Variants in COL7A1 observed in about 807,000 individuals in gnomAD.
COL7A1 encodes collagen alpha-1(VII) chain.
In COL7A1, 296 loss-of-function variants were observed where a neutral mutation model predicts 456.2. The observed-to-expected ratio is 0.65, with a 90% CI of 0.59 to 0.71. The LOEUF is 0.71. Ranked by LOEUF, COL7A1 falls within the 30% of genes least tolerant of loss-of-function variation. The pLI, the probability that COL7A1 is intolerant of heterozygous loss-of-function variation, is 0.00. For synonymous variants in COL7A1, 1,464 were observed against 1,525.9 expected (o/e 0.96, Z 0.95); for missense variants, 3,441 against 4,017.2 (o/e 0.86, Z 3.88).
chr3:48,581,877 G>A lies in COL7A1; in HGVS notation c.4668+34C>T. On this transcript the variant is annotated intron_variant, in intron 48 of 118. Coordinates refer to ENST00000681320, the MANE Select transcript of COL7A1 (RefSeq NM_000094.4). This position sits in a 1 kb window ranked among gnomAD's most constrained non-coding sequence, Gnocchi z 5.8. ...GCCCTATGACCTAGACCTCAACCCT[G>A]TAGAAACCTCCCCTTGCCCCATACC... 1 of 1,614,026 alleles carries A rather than the reference G, an allele frequency of 6.2e-7. No individual in the cohort carries two copies. Among genetic ancestry groups the A allele is most frequent in the Admixed American group, 1.7e-5 (1 of 60,010 alleles).
Position 48,592,562 on chromosome 3 carries a change from T to C in COL7A1, c.976+8A>G. 1.2e-6 allele frequency: 2 copies of C among 1,613,884 alleles called. No individual in the cohort carries two copies. Among genetic ancestry groups the C allele is most frequent in the Admixed American group, 1.7e-5 (1 of 60,026 alleles). ...TGAATGGGGTCAGAGGCTGGCAGAA[T>C]TGCTCACTGGTCCGAGCTGTCCCGC... On this transcript the variant is annotated splice_region_variant and intron_variant, in intron 8 of 118. Coordinates refer to ENST00000681320, the MANE Select transcript of COL7A1 (RefSeq NM_000094.4). The surrounding 1 kb of genome is among the most constrained non-coding windows in gnomAD (Gnocchi z 7.6).
At position 48,584,050 on chromosome 3, in the gene COL7A1, G is replaced by A. The variant is rs759186064; in HGVS notation, c.4209C>T (p.Gly1403=). Residue 1403 remains glycine (G), a synonymous_variant, in exon 38 of 119, where the codon GGC becomes GGT. Coordinates refer to ENST00000681320, the MANE Select transcript of COL7A1 (RefSeq NM_000094.4). Reference sequence around the variant, plus strand: ...CCTCACTTACCCGCTCCCCACGATCGCCTTTGTCACCCTAGAAAACAGATG... The same window carrying A: ...CCTCACTTACCCGCTCCCCACGATCACCTTTGTCACCCTAGAAAACAGATG... The part of the protein sequence containing the change: ...LPGTAMKGDK[G]DRGERGPPGP... 1.2e-5 allele frequency: 19 copies of A among 1,613,964 alleles called. No homozygotes were observed. The highest frequency in any genetic ancestry group is 4.5e-5 in the East Asian group (2 of 44,878).
rs1412782622 is a variant in COL7A1 at position 48,573,880 on chromosome 3, C to T, written c.6512G>A (p.Gly2171Asp). The change falls in exon 81 of 119, where the codon GGT becomes GAT. Residue 2171 changes from glycine to aspartate, a missense_variant. Coordinates refer to ENST00000681320, the MANE Select transcript of COL7A1 (RefSeq NM_000094.4). This position sits in a 1 kb window ranked among gnomAD's most constrained non-coding sequence, Gnocchi z 5.5. The part of the protein sequence containing the change: ...AGPEGKPGLQ[G>D]PRGPPGPVGG... The stretch of plus-strand genomic sequence containing the variant: ...CACTGGGCCAGGGGGGCCTCTTGGA[C>T]CCTGCAGACCCTACATAGAGAGGGC... 1 of 1,613,700 alleles carries T rather than the reference C, an allele frequency of 6.2e-7. No homozygotes were observed. Among genetic ancestry groups the T allele is most frequent in the Non-Finnish European group, 8.5e-7 (1 of 1,179,994 alleles).
rs1174038053 is a variant in COL7A1 at position 48,583,400 on chromosome 3, C to T, written c.4430G>A (p.Gly1477Asp). The T allele has an allele frequency of 6.2e-7, 1 of 1,614,092 alleles. No homozygotes were observed. Among genetic ancestry groups the T allele is most frequent in the South Asian group, 1.1e-5 (1 of 91,076 alleles). ...QGPRGPPGAI[G>D]PKGDRGFPGP... ...CCCCCAACTGGTACTCACTTTGGGG[C>T]CAATAGCTCCAGGAGGTCCCCGTGG... Residue 1477 changes from glycine to aspartate, a missense_variant, in exon 42 of 119, where the codon GGC becomes GAC. This residue lies in a region of COL7A1 where 2,084 missense variants were observed against 2,501.3 expected (regional missense o/e 0.83). Transcript: ENST00000681320. The surrounding 1 kb of genome is among the most constrained non-coding windows in gnomAD (Gnocchi z 5.1).
Position 48,565,664 on chromosome 3 carries a change from G to A in COL7A1, c.8412C>T (p.Cys2804=). 1 of 1,613,358 alleles carries A rather than the reference G, an allele frequency of 6.2e-7. No homozygotes were observed. ...ATCCAGATGCGATGAACTGGCCCTGGCAGGCTAGAGGGGGCAGAGAGGGAT... is the reference window on the plus strand; with the variant it reads ...ATCCAGATGCGATGAACTGGCCCTGACAGGCTAGAGGGGGCAGAGAGGGAT... The part of the protein sequence containing the change: ...VRQEMSQHCA[C]QGQFIASGSR... Residue 2804 remains cysteine, a synonymous_variant, in exon 115 of 119, where the codon TGC becomes TGT. Transcript: ENST00000681320. The surrounding 1 kb of genome is among the most constrained non-coding windows in gnomAD (Gnocchi z 4.5).
Position 48,587,487 on chromosome 3 carries a change from G to A in COL7A1, c.2925C>T (p.Ala975=). The part of the protein sequence containing the change: ...VDTSIDSVTL[A]WTPVSRASSY... ...TGGATGCCCTGGACACTGGAGTCCA[G>A]GCCAAAGTCACCGAGTCGATCGAGG... The change falls in exon 23 of 119, where the codon GCC becomes GCT. Residue 975 remains alanine (A), a synonymous_variant. Transcript: ENST00000681320. This position sits in a 1 kb window ranked among gnomAD's most constrained non-coding sequence, Gnocchi z 6.1. The A allele has an allele frequency of 1.2e-6, 2 of 1,613,364 alleles. No homozygotes were observed.
intron 35 of COL7A1, 42 bp from the exon 36 acceptor site, chr3:48,584,598 G>A: frequency 6.2e-7 from 1 of 1,613,266 alleles, no homozygotes; most frequent in Non-Finnish European, 8.5e-7. Flanking sequence ...AGGCTATGGG[G>A]GCCTTGAGCT....
At position 48,581,382 on chromosome 3, in the gene COL7A1, G is replaced by A. The variant is rs375680517; in HGVS notation, c.4819-42C>T. 89 of 1,613,654 alleles carry A rather than the reference G, an allele frequency of 5.5e-5. No homozygotes were observed. Among genetic ancestry groups the A allele is most frequent in the Non-Finnish European group, 7.0e-5 (83 of 1,179,930 alleles). ...AGGGAGGTGATGCAGGACGCTCGAA[G>A]CAAGCAGTTCTCAAGGGGAGGGGAC... is the stretch of plus-strand genomic sequence containing the variant. On this transcript the variant is annotated intron_variant, in intron 51 of 118. Coordinates refer to ENST00000681320, the MANE Select transcript of COL7A1 (RefSeq NM_000094.4). This position sits in a 1 kb window ranked among gnomAD's most constrained non-coding sequence, Gnocchi z 5.8.
chr3:48,592,103 A>G lies in COL7A1; in HGVS notation c.1239T>C (p.Thr413=). ...GAAGAAAGTGCCCAGCCTTCTCACC[A>G]GTGCGAGCCATCAGGGAAGTGGCGG... is the stretch of plus-strand genomic sequence containing the variant. ...VGPATSLMAR[T]DASVEQTLRP... is the part of the protein sequence containing the mutation. The change falls in exon 10 of 119, where the codon ACT becomes ACC. Residue 413 remains threonine, a splice_region_variant and synonymous_variant. Coordinates refer to ENST00000681320, the MANE Select transcript of COL7A1 (RefSeq NM_000094.4). This position sits in a 1 kb window ranked among gnomAD's most constrained non-coding sequence, Gnocchi z 7.6. 1.9e-6 allele frequency: 3 copies of G among 1,614,160 alleles called. No individual in the cohort carries two copies. Among genetic ancestry groups the G allele is most frequent in the South Asian group, 2.2e-5 (2 of 91,090 alleles).
In COL7A1 at chr3:48,587,291, T is replaced by A. The variant is rs534667037; in HGVS notation, c.3038A>T (p.Gln1013Leu). 81 of 1,606,862 alleles carry A rather than the reference T, an allele frequency of 5.0e-5. 1 individual carries two copies. In the South Asian group the frequency reaches 8.4e-4, roughly 17 times the overall value. ...PQTLPGISSS[Q>L]RVTGLEPGVS... ...GCCAGGCTCTAGCCCTGTCACCCGC[T>A]GGGAGCTTGAGATCCCTGGAAGTGT... The change falls in exon 24 of 119, where the codon CAG becomes CTG. Residue 1013 changes from glutamine to leucine, a missense_variant. This residue lies in a region of COL7A1 where 444 missense variants were observed against 427.6 expected (regional missense o/e 1.04). Transcript: ENST00000681320. This position sits in a 1 kb window ranked among gnomAD's most constrained non-coding sequence, Gnocchi z 6.1.
rs368675458 is a variant in COL7A1 at position 48,586,315 on chromosome 3, A to G, written c.3550+17T>C. 5 of 1,613,764 alleles carry G rather than the reference A, an allele frequency of 3.1e-6. No homozygotes were observed. The highest frequency in any genetic ancestry group is 2.2e-5 in the South Asian group (2 of 91,084). On this transcript the variant is annotated intron_variant, in intron 27 of 118. Transcript: ENST00000681320. The surrounding 1 kb of genome is among the most constrained non-coding windows in gnomAD (Gnocchi z 5.1). Reference sequence around the variant, plus strand: ...ACCCCTATTCCCAGACCCCTTCCCCATCAGCCTACTCCTTACCAGAAGCCT... The same window carrying G: ...ACCCCTATTCCCAGACCCCTTCCCCGTCAGCCTACTCCTTACCAGAAGCCT...
chr3:48,577,774 C>T (rs2044418534), intron 65 of COL7A1, among the ~76,000 whole-genome samples: 1 of 152,232 alleles, frequency 6.6e-6, no homozygotes, highest in African/African-American at 2.4e-5. Flanking sequence ...GTGCCTATGG[C>T]TGTGGGTTAT....
Position 48,580,021 on chromosome 3 carries a change from C to T in COL7A1, c.5124+10G>A, listed in dbSNP as rs768891621. On this transcript the variant is annotated intron_variant, in intron 57 of 118. Coordinates refer to ENST00000681320, the MANE Select transcript of COL7A1 (RefSeq NM_000094.4). This position sits in a 1 kb window ranked among gnomAD's most constrained non-coding sequence, Gnocchi z 4.5. ...CAATGACAGAGGACCAGACCCAGCG[C>T]AGCCCTTACCAGCCGTCCCGGGGGT... 6.2e-7 allele frequency: 1 copy of T among 1,614,012 alleles called. No homozygotes were observed. Among genetic ancestry groups the T allele is most frequent in the East Asian group, 2.2e-5 (1 of 44,862 alleles).
chr3:48,593,705 G>A lies in COL7A1; in HGVS notation c.267-9C>T, dbSNP rs373564083. 11 of 1,614,190 alleles carry A rather than the reference G, an allele frequency of 6.8e-6. No individual in the cohort carries two copies. The highest frequency in any genetic ancestry group is 7.6e-6 in the Non-Finnish European group (9 of 1,180,002). The stretch of plus-strand genomic sequence containing the variant: ...CCAGGCCGAACTCTGTCCTGTTGGA[G>A]GGTAGGGGTGGCAACAGGCTAGGAC... On this transcript the variant is annotated splice_polypyrimidine_tract_variant and intron_variant, in intron 3 of 118. Transcript: ENST00000681320. This position sits in a 1 kb window ranked among gnomAD's most constrained non-coding sequence, Gnocchi z 4.4.
chr3:48,582,577 C>G (rs2044846420), intron 45 of COL7A1, 32 bp downstream of exon 45: 15 of 1,613,762 alleles, frequency 9.3e-6, no homozygotes, highest in African/African-American at 1.3e-5. Flanking sequence ...ACAAAAGTCC[C>G]ACTCCTGGTC....
Position 48,567,925 on chromosome 3 carries a change from C to A in COL7A1, c.7876-34G>T. Reference sequence around the variant, plus strand: ...GAAAAGCAGATGAAGAAGTGATTCCCAGACACCTCACTCTGTGACCCCCTT... The same window carrying A: ...GAAAAGCAGATGAAGAAGTGATTCCAAGACACCTCACTCTGTGACCCCCTT... On this transcript the variant is annotated intron_variant, in intron 106 of 118. Coordinates refer to ENST00000681320, the MANE Select transcript of COL7A1 (RefSeq NM_000094.4). The surrounding 1 kb of genome is among the most constrained non-coding windows in gnomAD (Gnocchi z 4.3). 6.2e-7 allele frequency: 1 copy of A among 1,613,640 alleles called. No homozygotes were observed. The highest frequency in any genetic ancestry group is 1.7e-5 in the Admixed American group (1 of 60,012).
Position 48,590,730 on chromosome 3 carries a change from C to T in COL7A1, c.1723G>A (p.Val575Met). 6.2e-7 allele frequency: 1 copy of T among 1,614,056 alleles called. No individual in the cohort carries two copies. The highest frequency in any genetic ancestry group is 8.5e-7 in the Non-Finnish European group (1 of 1,180,040). The change falls in exon 14 of 119, where the codon GTG (valine) becomes ATG (methionine). Residue 575 changes from valine (V) to methionine (M), a missense_variant. Physicochemically the swap from Val to Met is conservative, Grantham distance 21. Coordinates refer to ENST00000681320, the MANE Select transcript of COL7A1 (RefSeq NM_000094.4). The surrounding 1 kb of genome is among the most constrained non-coding windows in gnomAD (Gnocchi z 4.6). The stretch of plus-strand genomic sequence containing the variant: ...TCACGGGGACCCACTCGAGCAGACA[C>T]CCGCACAGTGTAGCTAAGCCCAGCC... ...VQAGLSYTVR[V>M]SARVGPREGS...
At chr3:48,576,496 G>A (rs369204725) in intron 69 of COL7A1, 26 bp downstream of exon 69, 375 of 1,612,124 alleles carry the variant, frequency 2.3e-4, no homozygotes, top group Admixed American at 4.8e-4. Flanking sequence ...CCCTCACCAC[G>A]CCCCCTACCC....
chr3:48,580,940 GAA>G lies in COL7A1; in HGVS notation c.4936-16_4936-15del, dbSNP rs1560232701. On this transcript the variant is annotated splice_polypyrimidine_tract_variant and intron_variant, in intron 53 of 118. Transcript: ENST00000681320. This position sits in a 1 kb window ranked among gnomAD's most constrained non-coding sequence, Gnocchi z 4.5. The stretch of plus-strand genomic sequence containing the variant: ...ACCCGGGTCACCCTGGTGATAGAGA[GAA>G]AAGTCATACTGCACAGGGCAGTCAG... 1.2e-6 allele frequency: 2 copies of G among 1,613,990 alleles called. No individual in the cohort carries two copies. Among genetic ancestry groups the G allele is most frequent in the Non-Finnish European group, 1.7e-6 (2 of 1,179,958 alleles).
Sources: allele counts gnomAD v4.1 joint callset (sites outside exome capture counted in the v4.1 genomes callset), GRCh38; gene constraint gnomAD v4.1.1; regional missense constraint gnomAD v4.1.1; non-coding constraint Gnocchi (gnomAD v3.1); transcripts MANE v1.5; gene names NCBI Gene and HGNC (gene_info 2026-07-23, HGNC 2026-07-21).